Variants in RELN observed in about 807,000 individuals in gnomAD.
RELN encodes reelin.
RELN carries 108 observed loss-of-function variants against 427.6 expected under a neutral mutation model. The observed-to-expected ratio is 0.25, with a 90% CI of 0.22 to 0.30. RELN has a LOEUF of 0.30. Ranked by LOEUF, RELN falls within the 10% of genes least tolerant of loss-of-function variation. The pLI is 1.00. For missense variants in RELN, 3,715 were observed against 4,302.8 expected, an observed-to-expected ratio of 0.86 and a Z score of 3.82; for synonymous variants, 1,524 against 1,513.4, an observed-to-expected ratio of 1.01 and a Z score of -0.16.
At chr7:103,814,948 G>A (rs1348705185) in intron 3 of RELN, among the ~76,000 whole-genome samples, 1 of 152,192 alleles carries the variant, frequency 6.6e-6, no homozygotes, top group African/African-American at 2.4e-5. Flanking sequence ...ATACATCTTT[G>A]TCCAGAGGAA....
chr7:103,847,333 G>A (rs968399991), intron 2 of RELN, among the ~76,000 whole-genome samples: 7 of 152,060 alleles, frequency 4.6e-5, no homozygotes, highest in Admixed American at 2.0e-4. Flanking sequence ...ACCAAGCACC[G>A]CATGTTCTCA....
chr7:103,517,960 G>A (rs1829605780), intron 49 of RELN, among the ~76,000 whole-genome samples: 1 of 152,210 alleles, frequency 6.6e-6, no homozygotes, highest in African/African-American at 2.4e-5. Flanking sequence ...AAATGTCCTT[G>A]AAGAGAGAGC....
intron 57 of RELN, among the ~76,000 whole-genome samples, chr7:103,493,176 GTACT>G (rs1208415251): frequency 2.0e-5 from 3 of 152,158 alleles, no homozygotes; most frequent in Non-Finnish European, 4.4e-5. Flanking sequence ...AGTGAAAAGA[GTACT>G]TAGTCAACTG....
At chr7:103,758,070 A>T (rs769941647) in intron 4 of RELN, among the ~76,000 whole-genome samples, 2 of 152,198 alleles carry the variant, frequency 1.3e-5, no homozygotes, top group Non-Finnish European at 2.9e-5. Flanking sequence ...CAATTCTGTT[A>T]AGAGTTCCCT....
In RELN at chr7:103,519,356, A is replaced by T; in HGVS notation, c.7829T>A (p.Met2610Lys). Residue 2610 changes from methionine to lysine, a missense_variant, in exon 49 of 65, where the codon ATG (methionine) becomes AAG (lysine). This residue lies in a region of RELN where 1,310 missense variants were observed against 1,643.0 expected (regional missense o/e 0.80). Coordinates refer to ENST00000428762, the MANE Select transcript of RELN (RefSeq NM_005045.4). ...VNGGITWNLL[M>K]EIFYDQYSKP... Reference sequence around the variant, plus strand: ...ACTGTACTGGTCATAGAAAATCTCCATGAGCAGGTTCCAGGTAATGCCTCC... The same window carrying T: ...ACTGTACTGGTCATAGAAAATCTCCTTGAGCAGGTTCCAGGTAATGCCTCC... The T allele has an allele frequency of 6.2e-7, 1 of 1,613,850 alleles. No individual in the cohort carries two copies. The highest frequency in any genetic ancestry group is 8.5e-7 in the Non-Finnish European group (1 of 1,179,728).
At chr7:103,833,251 T>C (rs1793319002) in intron 3 of RELN, among the ~76,000 whole-genome samples, 1 of 152,134 alleles carries the variant, frequency 6.6e-6, no homozygotes, top group Admixed American at 6.6e-5. Context: ...GTTCCCCACG[T>C]CCCCTACCCT....
intron 3 of RELN, among the ~76,000 whole-genome samples, chr7:103,830,437 T>C (rs576254443): frequency 3.4e-4 from 51 of 152,082 alleles, no homozygotes; most frequent in African/African-American, 1.1e-3. Context: ...ATAATCTTTC[T>C]TACCTTAAAA....
intron 13 of RELN, 123 bp from the exon 14 acceptor site, chr7:103,652,882 G>A (rs965874619): frequency 5.0e-6 from 4 of 806,660 alleles, no homozygotes; most frequent in Non-Finnish European, 8.5e-6. Flanking sequence ...ACCAGGACAC[G>A]TCCTTTGTGT....
chr7:103,607,959 G>A (rs1421690814), intron 22 of RELN, among the ~76,000 whole-genome samples: 1 of 152,014 alleles, frequency 6.6e-6, no homozygotes, highest in Non-Finnish European at 1.5e-5. Context: ...ATTTCTCTAC[G>A]CAGGTACATA....
At chr7:103,740,507 T>C (rs982069084) in intron 6 of RELN, among the ~76,000 whole-genome samples, 7 of 152,224 alleles carry the variant, frequency 4.6e-5, no homozygotes, top group Admixed American at 2.6e-4. Context: ...ACATTCAATA[T>C]TGAGTTGACA....
chr7:103,752,518 C>G (rs1179300923), intron 5 of RELN, among the ~76,000 whole-genome samples: 1 of 151,842 alleles, frequency 6.6e-6, no homozygotes, highest in Non-Finnish European at 1.5e-5. Flanking sequence ...ACATGATCCT[C>G]CCATCTCAGC....
At chr7:103,963,967 C>T (rs574255840) in intron 1 of RELN, among the ~76,000 whole-genome samples, 8 of 152,052 alleles carry the variant, frequency 5.3e-5, no homozygotes, top group South Asian at 2.1e-4. Context: ...CTTTGGCATC[C>T]AGGGCAACAC....
At chr7:103,869,322 T>C (rs566902425) in intron 2 of RELN, among the ~76,000 whole-genome samples, 1 of 152,208 alleles carries the variant, frequency 6.6e-6, no homozygotes, top group Non-Finnish European at 1.5e-5. Context: ...TATTCACCCA[T>C]TTTTATACCA....
intron 17 of RELN, among the ~76,000 whole-genome samples, chr7:103,637,719 C>G (rs1832613131): frequency 6.6e-6 from 1 of 152,254 alleles, no homozygotes; most frequent in African/African-American, 2.4e-5. Context: ...TGGACTTAGA[C>G]TGAACTTAGA....
intron 28 of RELN, among the ~76,000 whole-genome samples, chr7:103,576,088 G>A (rs1398040552): frequency 4.6e-5 from 7 of 152,086 alleles, no homozygotes; most frequent in East Asian, 1.9e-4. Flanking sequence ...AAAAGTAGCC[G>A]GGCGTGGTGG....
intron 10 of RELN, among the ~76,000 whole-genome samples, chr7:103,683,732 C>T (rs573397337): frequency 6.6e-6 from 1 of 152,254 alleles, no homozygotes; most frequent in African/African-American, 2.4e-5. Flanking sequence ...GGAAGTATTG[C>T]TCTTTGAAAA....
chr7:103,945,578 G>C (rs922236004), intron 1 of RELN, among the ~76,000 whole-genome samples: 1 of 151,900 alleles, frequency 6.6e-6, no homozygotes, highest in African/African-American at 2.4e-5. Flanking sequence ...TTTTCCTCAG[G>C]GAAGATTTCC....
In RELN at chr7:103,651,705, G is replaced by A. The variant is rs564122518; in HGVS notation, c.1848C>T (p.Pro616=). The A allele has an allele frequency of 1.2e-6, 2 of 1,611,802 alleles. No individual in the cohort carries two copies. The highest frequency in any genetic ancestry group is 1.3e-5 in the African/African-American group (1 of 74,890). The change falls in exon 15 of 65, where the codon CCC becomes CCT. Residue 616 remains proline (P), a synonymous_variant. Transcript: ENST00000428762. ...TECLPEICAG[P]HLPHSTVYSS... is the part of the protein sequence containing the mutation. ...AGTAGACAGTGCTGTGGGGGAGGTG[G>A]GGTCCAGCACAGATCTCAGGTAAGC...
At chr7:103,557,345 A>T (rs1830547987) in intron 37 of RELN, among the ~76,000 whole-genome samples, 186 bp from the exon 38 acceptor site, 1 of 152,212 alleles carries the variant, frequency 6.6e-6, no homozygotes, top group African/African-American at 2.4e-5. Context: ...ATCTCGAAAT[A>T]CACACCAAAG....
Sources: gnomAD v4.1 joint callset for allele counts (sites outside exome capture counted in the v4.1 genomes callset) on GRCh38, gnomAD v4.1.1 for gene constraint, gnomAD v4.1.1 regional missense constraint, MANE v1.5 for transcripts, NCBI Gene and HGNC (gene_info 2026-07-23, HGNC 2026-07-21) for gene names.